ATRN: variants seen among roughly 807,000 people sequenced by gnomAD.
ATRN encodes the protein attractin, also known as attractin-2.
A neutral mutation model predicts 178.7 loss-of-function variants in ATRN; 54 were observed. The ratio of observed to expected loss-of-function variants is 0.30; its 90% CI spans 0.24 to 0.38. The LOEUF (loss-of-function observed/expected upper bound fraction) is 0.38. ATRN is among the 10% of genes least tolerant of loss of function. ATRN has a pLI of 1.00. For synonymous variants in ATRN, 636 were observed against 663.0 expected (o/e 0.96, Z 0.63); for missense variants, 1,443 against 1,815.1 (o/e 0.79, Z 3.73).
In ATRN at chr20:3,613,185, C is replaced by T. The variant is rs993683379; in HGVS notation, c.3801+8923C>T. Among the ~76,000 whole-genome samples, 5 of 152,188 alleles carry T rather than the reference C, an allele frequency of 3.3e-5. No homozygotes were observed. The South Asian group carries it at 6.2e-4, about 19-fold the overall frequency. ...ATTCAGGAGCACTTGTGAAAATAAA[C>T]GATGGCATGCCCACCATTTAGTTTG... On this transcript the variant is annotated intron_variant, in intron 24 of 28. Coordinates refer to ENST00000262919, the MANE Select transcript of ATRN (RefSeq NM_139321.3).
At chr20:3,618,391 G>T (rs371814787) in intron 24 of ATRN, among the ~76,000 whole-genome samples, 11 of 152,170 alleles carry the variant, frequency 7.2e-5, no homozygotes, top group African/African-American at 2.7e-4. Flanking sequence ...TCAAGGTGGG[G>T]GTCCCTGGAG....
intron 14 of ATRN, among the ~76,000 whole-genome samples, chr20:3,577,758 G>A (rs2086231756): frequency 6.6e-6 from 1 of 152,204 alleles, no homozygotes; most frequent in African/African-American, 2.4e-5. Flanking sequence ...ATATTCTGGT[G>A]CAAGTGTGGG....
At chr20:3,586,161 A>G (rs1362432937) in intron 18 of ATRN, among the ~76,000 whole-genome samples, 2 of 152,340 alleles carry the variant, frequency 1.3e-5, no homozygotes, top group African/African-American at 4.8e-5. Context: ...TATTCATAAT[A>G]AGCAAAAGTG....
intron 1 of ATRN, among the ~76,000 whole-genome samples, chr20:3,512,107 A>ATATATATATTTT: frequency 3.7e-4 from 39 of 106,396 alleles, no homozygotes; most frequent in African/African-American, 1.6e-3. Context: ...ATATATATAT[A>ATATATATATTTT]TTTTTTTTTT....
intron 7 of ATRN, 72 bp from the exon 8 acceptor site, chr20:3,560,590 T>A (rs1473157912): frequency 7.7e-7 from 1 of 1,294,834 alleles, no homozygotes; most frequent in Non-Finnish European, 1.1e-6. Flanking sequence ...AATATTGAGC[T>A]TTTGTTCTTC....
At position 3,649,295 on chromosome 20, in the gene ATRN, G is replaced by A. The variant is rs2087129374; in HGVS notation, c.*2448G>A. On this transcript the variant is annotated 3_prime_UTR_variant, in exon 29 of 29. Coordinates refer to ENST00000262919, the MANE Select transcript of ATRN (RefSeq NM_139321.3). Reference sequence around the variant, plus strand: ...AAATAGTCAAGACAACACTGACCTTGCACTTGTACATAACTATACAGTAGT... The same window carrying A: ...AAATAGTCAAGACAACACTGACCTTACACTTGTACATAACTATACAGTAGT... The A allele has an allele frequency of 6.6e-6, 1 of 152,642 alleles. No individual in the cohort carries two copies. The highest frequency in any genetic ancestry group is 6.5e-5 in the Admixed American group (1 of 15,280). 9.5% of individuals were successfully genotyped at this position (152,642 alleles called of 1,614,324 possible).
intron 24 of ATRN, among the ~76,000 whole-genome samples, chr20:3,621,070 C>T (rs2086893545): frequency 6.6e-6 from 1 of 152,016 alleles, no homozygotes; most frequent in African/African-American, 2.4e-5. Context: ...CCAGTGTGGC[C>T]TAGGGAAGCC....
At chr20:3,579,160 T>G (rs1220064691) in intron 15 of ATRN, among the ~76,000 whole-genome samples, 2 of 152,238 alleles carry the variant, frequency 1.3e-5, no homozygotes, top group East Asian at 1.9e-4. Context: ...GGTATTATAA[T>G]AGTGCATAAG....
At chr20:3,507,406 C>CAA (rs375138925) in intron 1 of ATRN, among the ~76,000 whole-genome samples, 27 of 87,456 alleles carry the variant, frequency 3.1e-4, no homozygotes, top group Admixed American at 5.1e-4. Context: ...AACTCCGTCT[C>CAA]AAAAAAAAAA....
intron 12 of ATRN, 61 bp downstream of exon 12, chr20:3,573,012 G>A: frequency 4.2e-6 from 6 of 1,436,926 alleles, no homozygotes; most frequent in African/African-American, 1.4e-5. Flanking sequence ...TATCTGAATT[G>A]TGAAGGAACT....
At chr20:3,580,928 A>T (rs542885155) in intron 15 of ATRN, among the ~76,000 whole-genome samples, 1 of 152,074 alleles carries the variant, frequency 6.6e-6, no homozygotes, top group Non-Finnish European at 1.5e-5. Context: ...TTTAGTAGGC[A>T]TGTGTATTTT....
chr20:3,494,077 A>G (rs2084845000), intron 1 of ATRN, among the ~76,000 whole-genome samples: 1 of 152,206 alleles, frequency 6.6e-6, no homozygotes, highest in South Asian at 2.1e-4. Context: ...GAAGGCATTA[A>G]TTAGCTCAGC....
At position 3,475,070 on chromosome 20, in the gene ATRN, C is replaced by T. The variant is rs1012499583; in HGVS notation, c.410+3553C>T. On this transcript the variant is annotated intron_variant, in intron 1 of 28. Coordinates refer to ENST00000262919, the MANE Select transcript of ATRN (RefSeq NM_139321.3). Reference sequence around the variant, plus strand: ...AAAAAAAAAATTTAGTCCAAGTATTCTTTTGGGGGCAAGAGTGAAATGTTG... The same window carrying T: ...AAAAAAAAAATTTAGTCCAAGTATTTTTTTGGGGGCAAGAGTGAAATGTTG... 6.1e-5 allele frequency among the ~76,000 whole-genome samples: 9 copies of T among 146,900 alleles called. No individual in the cohort carries two copies. The South Asian group carries it at 1.1e-3, about 18-fold the overall frequency.
intron 1 of ATRN, among the ~76,000 whole-genome samples, chr20:3,477,791 T>C (rs1184270892): frequency 1.3e-5 from 2 of 152,252 alleles, no homozygotes; most frequent in Non-Finnish European, 2.9e-5. Context: ...AATTTACTTC[T>C]TATGACTTTT....
intron 12 of ATRN, among the ~76,000 whole-genome samples, chr20:3,575,284 T>G (rs914884326): frequency 1.3e-5 from 2 of 152,188 alleles, no homozygotes; most frequent in Non-Finnish European, 2.9e-5. Flanking sequence ...TTTTCTAGAG[T>G]TAACAGGAGA....
intron 18 of ATRN, among the ~76,000 whole-genome samples, chr20:3,587,185 C>T (rs2086369952): frequency 1.3e-5 from 2 of 152,084 alleles, no homozygotes; most frequent in South Asian, 2.1e-4. Flanking sequence ...GGTTTCTTTT[C>T]ACTTTCTTAA....
Position 3,578,733 on chromosome 20 carries a change from C to T in ATRN, c.2505C>T (p.Val835=). 6.2e-7 allele frequency: 1 copy of T among 1,613,996 alleles called. No individual in the cohort carries two copies. Among genetic ancestry groups the T allele is most frequent in the South Asian group, 1.1e-5 (1 of 91,044 alleles). The part of the protein sequence containing the change: ...SLTTQKKVEF[V]LKQLRIMQSS... ...CAACCCAGAAGAAGGTAGAATTTGT[C>T]CTTAAGCAGCTGCGAATAATGCAGT... The change falls in exon 15 of 29, where the codon GTC becomes GTT. Residue 835 remains valine, a synonymous_variant. Transcript: ENST00000262919.
chr20:3,604,390 G>T, intron 24 of ATRN, 128 bp downstream of exon 24: 1 of 1,059,244 alleles, frequency 9.4e-7, no homozygotes. Context: ...AACGTGTATG[G>T]CAGAGGAGTG....
rs376260361 is a variant in ATRN, at chr20:3,492,875, G to GCACA, written c.410+21377_410+21380dup. Among the ~76,000 whole-genome samples, 678 of 106,792 alleles carry GCACA rather than the reference G, an allele frequency of 6.3e-3. 7 individuals are homozygous for GCACA. The highest frequency in any genetic ancestry group is 0.016 in the South Asian group (62 of 3,968). The allele number at this position is 106,792 out of a possible 152,430, so 70.1% of individuals were successfully genotyped here. ...GAGAGGCGCGCGCGCGCGTGCGCAC[G>GCACA]CACACACACACACACACACACATAA... is the stretch of plus-strand genomic sequence containing the variant. On this transcript the variant is annotated intron_variant, in intron 1 of 28. Coordinates refer to ENST00000262919, the MANE Select transcript of ATRN (RefSeq NM_139321.3).
Sources: gnomAD v4.1 joint callset for allele counts (sites outside exome capture counted in the v4.1 genomes callset) on GRCh38, gnomAD v4.1.1 for gene constraint, MANE v1.5 for transcripts, NCBI Gene and HGNC (gene_info 2026-07-23, HGNC 2026-07-21) for gene names.